The following CLNS1A variants were observed in gnomAD, a reference collection of about 807,000 sequenced individuals.
The protein encoded by CLNS1A is methylosome subunit pICln.
A neutral mutation model predicts 29.4 loss-of-function variants in CLNS1A; 16 were observed. The observed-to-expected ratio is 0.54, with a 90% CI of 0.37 to 0.83. The LOEUF is 0.83. Among genes scored for constraint, CLNS1A ranks in the 40% least tolerant of loss-of-function variants. The probability of loss-of-function intolerance (pLI) is 0.00; values close to 1 mark genes in which losing one functional copy is unlikely to be tolerated. For missense variants in CLNS1A, 235 were observed against 287.4 expected (o/e 0.82, Z 1.32); for synonymous variants, 96 against 104.8 (o/e 0.92, Z 0.51).
chr11:77,617,205 C>T (rs1958912536), intron 6 of CLNS1A, among the ~76,000 whole-genome samples: 1 of 151,750 alleles, frequency 6.6e-6, no homozygotes, highest in African/African-American at 2.4e-5. Context: ...ACTGTCTCTA[C>T]TAAAATTACA....
chr11:77,623,704 T>C (rs182239110), intron 4 of CLNS1A, among the ~76,000 whole-genome samples: 13 of 152,310 alleles, frequency 8.5e-5, no homozygotes, highest in Middle Eastern at 3.4e-3. Context: ...AGGTATGTGA[T>C]GGCGGATCCC....
At chr11:77,633,543 T>C (rs576503591) in intron 1 of CLNS1A, among the ~76,000 whole-genome samples, 5 of 152,260 alleles carry the variant, frequency 3.3e-5, no homozygotes, top group Non-Finnish European at 7.4e-5. Context: ...AGAGAACATG[T>C]TTTGCTGAAT....
intron 1 of CLNS1A, among the ~76,000 whole-genome samples, chr11:77,630,650 T>A (rs902983577): frequency 6.6e-6 from 1 of 152,174 alleles, no homozygotes; most frequent in African/African-American, 2.4e-5. Flanking sequence ...AAATATTTTA[T>A]TGGTGTAACA....
Position 77,637,631 on chromosome 11 carries a change from G to A in CLNS1A, c.84C>T (p.Asn28=), listed in dbSNP as rs746087167. 1 of 1,592,026 alleles carries A rather than the reference G, an allele frequency of 6.3e-7. No individual in the cohort carries two copies. Among genetic ancestry groups the A allele is most frequent in the East Asian group, 2.3e-5 (1 of 43,522 alleles). The change falls in exon 1 of 7, where the codon AAC becomes AAT. Residue 28 remains asparagine, a synonymous_variant. Coordinates refer to ENST00000525428, the MANE Select transcript of CLNS1A (RefSeq NM_001293.3). ...GGGTACCAGTGCCGAGGCCCTTCCC[G>A]TTCAGCACAGCCTCAGTGTCTGGCT... is the stretch of plus-strand genomic sequence containing the variant. ...RQQPDTEAVL[N]GKGLGTGTLY...
chr11:77,632,766 C>T (rs1940618073), intron 1 of CLNS1A, among the ~76,000 whole-genome samples: 1 of 151,920 alleles, frequency 6.6e-6, no homozygotes. Flanking sequence ...TTTTTTCCAA[C>T]AGCATGTTAC....
At chr11:77,629,538 C>T (rs1240600157) in intron 2 of CLNS1A, among the ~76,000 whole-genome samples, 1 of 151,946 alleles carries the variant, frequency 6.6e-6, no homozygotes, top group Non-Finnish European at 1.5e-5. Flanking sequence ...GGACTACAGG[C>T]GCCCACCACC....
intron 6 of CLNS1A, among the ~76,000 whole-genome samples, chr11:77,617,065 T>C (rs1958911510): frequency 6.6e-6 from 1 of 152,182 alleles, no homozygotes; most frequent in Non-Finnish European, 1.5e-5. Context: ...TGTACAATTT[T>C]AAATGATTAA....
At chr11:77,632,621 CTT>C (rs36112856) in intron 1 of CLNS1A, among the ~76,000 whole-genome samples, 4 of 149,480 alleles carry the variant, frequency 2.7e-5, no homozygotes, top group East Asian at 1.9e-4. Context: ...TCGTTAAATT[CTT>C]TTTTTTTTAA....
chr11:77,628,131 A>T (rs910756354), intron 2 of CLNS1A, among the ~76,000 whole-genome samples: 1 of 152,100 alleles, frequency 6.6e-6, no homozygotes, highest in Non-Finnish European at 1.5e-5. Context: ...GCCTAATGAC[A>T]GAGTTTTCTT....
chr11:77,637,695 A>C lies in CLNS1A; in HGVS notation c.20T>G (p.Phe7Cys), dbSNP rs768513315. 1.3e-6 allele frequency: 2 copies of C among 1,559,642 alleles called. No individual in the cohort carries two copies. The highest frequency in any genetic ancestry group is 1.7e-6 in the Non-Finnish European group (2 of 1,151,786). Residue 7 changes from phenylalanine (F) to cysteine (C), a missense_variant, in exon 1 of 7, where the codon TTC (phenylalanine) becomes TGC (cysteine). By Grantham distance (205) the Phe-to-Cys change is radical. Coordinates refer to ENST00000525428, the MANE Select transcript of CLNS1A (RefSeq NM_001293.3). ...CCCCTCCGCTGGCCCAGGCGGCGGGAAACTTTTGAGGAAGCTCATAGCAGC... is the reference window on the plus strand; with the variant it reads ...CCCCTCCGCTGGCCCAGGCGGCGGGCAACTTTTGAGGAAGCTCATAGCAGC... MSFLKS[F>C]PPPGPAEGLL...
rs1397105334 is a variant in CLNS1A, at chr11:77,624,989, C to G, written c.446G>C (p.Gly149Ala). Reference protein sequence around the residue: ...PEDEDSDDYDGEEYDVEAHEQ... With the variant: ...PEDEDSDDYDAEEYDVEAHEQ... Reference sequence around the variant, plus strand: ...ATGTGCTTCCACATCATATTCTTCTCCATCGTAGTCATCTGAATCCTCATC... The same window carrying G: ...ATGTGCTTCCACATCATATTCTTCTGCATCGTAGTCATCTGAATCCTCATC... Residue 149 changes from glycine (G) to alanine (A), a missense_variant, in exon 4 of 7, where the codon GGA becomes GCA. Transcript: ENST00000525428. 7 of 1,613,048 alleles carry G rather than the reference C, an allele frequency of 4.3e-6. No homozygotes were observed. In the African/African-American group the frequency reaches 9.3e-5, roughly 22 times the overall value.
intron 1 of CLNS1A, among the ~76,000 whole-genome samples, chr11:77,630,826 G>T (rs1274993273): frequency 2.6e-5 from 4 of 152,164 alleles, no homozygotes; most frequent in Non-Finnish European, 5.9e-5. Context: ...GTTGCCTAGG[G>T]CTAGAAGGAA....
At position 77,635,225 on chromosome 11, in the gene CLNS1A, G is replaced by A. The variant is rs1053180409; in HGVS notation, c.125+2365C>T. 1.3e-5 allele frequency among the ~76,000 whole-genome samples: 2 copies of A among 151,772 alleles called. 1 individual carries two copies. Among genetic ancestry groups the A allele is most frequent in the South Asian group, 4.2e-4 (2 of 4,814 alleles). On this transcript the variant is annotated intron_variant, in intron 1 of 6. Coordinates refer to ENST00000525428, the MANE Select transcript of CLNS1A (RefSeq NM_001293.3). ...TTCTGAACAGGAAGTGGAAAACGTC[G>A]ACAATTCTCAAATGGCTCAGAAAAA... is the stretch of plus-strand genomic sequence containing the variant.
At chr11:77,625,151 C>T (rs1590797788) in intron 3 of CLNS1A, 81 bp from the exon 4 acceptor site, 3 of 908,368 alleles carry the variant, frequency 3.3e-6, no homozygotes, top group South Asian at 3.1e-5. Context: ...AATGGGTACA[C>T]AAAACGCCAC....
At chr11:77,619,970 T>C (rs1180757813) in intron 5 of CLNS1A, among the ~76,000 whole-genome samples, 1 of 152,210 alleles carries the variant, frequency 6.6e-6, no homozygotes, top group African/African-American at 2.4e-5. Flanking sequence ...GTATCAATTG[T>C]TCACCCTTTA....
intron 1 of CLNS1A, among the ~76,000 whole-genome samples, chr11:77,635,486 G>A (rs1590805724): frequency 6.6e-6 from 1 of 151,762 alleles, no homozygotes; most frequent in South Asian, 2.1e-4. Context: ...CAAGTAGCTG[G>A]GATTACAGGT....
At chr11:77,634,101 C>CAA (rs202191382) in intron 1 of CLNS1A, among the ~76,000 whole-genome samples, 3 of 122,858 alleles carry the variant, frequency 2.4e-5, no homozygotes, top group Non-Finnish European at 3.5e-5. Flanking sequence ...AACTTCATCT[C>CAA]AAAAAAAAAA....
intron 6 of CLNS1A, chr11:77,618,433 AG>A (rs1388705048): frequency 6.6e-6 from 1 of 152,280 alleles, no homozygotes; most frequent in Non-Finnish European, 1.5e-5. Context: ...TGATTTTAAC[AG>A]AGAAGACATT....
intron 6 of CLNS1A, 122 bp downstream of exon 6, chr11:77,619,484 A>C: frequency 1.5e-6 from 1 of 688,924 alleles, no homozygotes; most frequent in Non-Finnish European, 2.6e-6. Flanking sequence ...GGATCATGCC[A>C]CTGCACTCTA....
Sources: allele counts gnomAD v4.1 joint callset (sites outside exome capture counted in the v4.1 genomes callset), GRCh38; gene constraint gnomAD v4.1.1; transcripts MANE v1.5; gene names NCBI Gene and HGNC (gene_info 2026-07-23, HGNC 2026-07-21).